Variants in NCOA7 observed in about 807,000 individuals in gnomAD.
The protein encoded by NCOA7 is nuclear receptor coactivator 7.
In NCOA7, 45 loss-of-function variants were observed where a neutral mutation model predicts 104.3. The ratio of observed to expected loss-of-function variants is 0.43; its 90% CI spans 0.34 to 0.55. NCOA7 has a LOEUF of 0.55. Among genes scored for constraint, NCOA7 ranks in the 20% least tolerant of loss-of-function variants. The pLI, the probability that NCOA7 is intolerant of heterozygous loss-of-function variation, is 0.02. For missense variants in NCOA7, 1,041 were observed against 1,119.7 expected, an observed-to-expected ratio of 0.93 and a Z score of 1.00; for synonymous variants, 398 against 402.3, an observed-to-expected ratio of 0.99 and a Z score of 0.13.
chr6:125,864,186 A>G lies in NCOA7; in HGVS notation c.271+8946A>G, dbSNP rs897055060. Reference sequence around the variant, plus strand: ...GTTTAAAGTAGCAGGAATATGAAAAATAACATAAATGATATAAAATGGAAT... The same window carrying G: ...GTTTAAAGTAGCAGGAATATGAAAAGTAACATAAATGATATAAAATGGAAT... On this transcript the variant is annotated intron_variant, in intron 3 of 15. Transcript: ENST00000392477. Among the ~76,000 whole-genome samples the G allele has an allele frequency of 8.7e-5, 12 of 138,286 alleles. 1 individual carries two copies. The highest frequency in any genetic ancestry group is 1.8e-4 in the Non-Finnish European group (12 of 64,998). 90.7% of individuals were successfully genotyped at this position (138,286 alleles called of 152,430 possible). A position where few individuals can be genotyped will look rare whatever the true frequency, so the allele number is the denominator to read the frequency against.
intron 2 of NCOA7, among the ~76,000 whole-genome samples, chr6:125,847,445 A>G (rs1202042598): frequency 1.3e-5 from 2 of 152,236 alleles, no homozygotes; most frequent in Non-Finnish European, 1.5e-5. Flanking sequence ...GAGCAATGCC[A>G]TACAAGGTAT....
chr6:125,801,303 A>G (rs1225705675), intron 1 of NCOA7, among the ~76,000 whole-genome samples: 1 of 152,192 alleles, frequency 6.6e-6, no homozygotes, highest in Non-Finnish European at 1.5e-5. Context: ...ATGAACAGAA[A>G]GCTCATCGAG....
intron 5 of NCOA7, 96 bp from the exon 6 acceptor site, chr6:125,880,994 T>G (rs2128646490): frequency 2.4e-6 from 2 of 825,296 alleles, no homozygotes; most frequent in East Asian, 4.9e-5. Context: ...AATCATGCAC[T>G]GAACATGATA....
chr6:125,865,381 T>C (rs1239143239), intron 3 of NCOA7, among the ~76,000 whole-genome samples: 1 of 138,474 alleles, frequency 7.2e-6, no homozygotes, highest in Non-Finnish European at 1.5e-5. Flanking sequence ...CTATGTTACC[T>C]GTGACTTGCT....
At chr6:125,906,563 G>A (rs138792617) in intron 10 of NCOA7, among the ~76,000 whole-genome samples, 24 of 152,316 alleles carry the variant, frequency 1.6e-4, no homozygotes, top group African/African-American at 5.8e-4. Flanking sequence ...TGGAAGGGCA[G>A]GTGCAGAAGG....
chr6:125,891,339 G>T (rs1320272779), intron 10 of NCOA7, among the ~76,000 whole-genome samples: 1 of 152,202 alleles, frequency 6.6e-6, no homozygotes, highest in Non-Finnish European at 1.5e-5. Context: ...CACCAAAGAA[G>T]ATACCTTCTT....
chr6:125,825,938 A>G (rs1778620616), intron 2 of NCOA7, among the ~76,000 whole-genome samples: 2 of 152,210 alleles, frequency 1.3e-5, no homozygotes, highest in Non-Finnish European at 2.9e-5. Flanking sequence ...ATATGCAAAC[A>G]TATTTTTCTT....
At chr6:125,919,511 C>T (rs1025097267) in intron 11 of NCOA7, 13 of 1,374,162 alleles carry the variant, frequency 9.5e-6, no homozygotes, top group East Asian at 6.9e-5. Context: ...TTTTGAAAGT[C>T]GTTCTAATTA....
intron 2 of NCOA7, among the ~76,000 whole-genome samples, chr6:125,826,898 C>T (rs1338603112): frequency 6.6e-6 from 1 of 151,874 alleles, no homozygotes; most frequent in Non-Finnish European, 1.5e-5. Context: ...GGTGGGAGGG[C>T]AAGAAAGGGT....
chr6:125,842,842 A>C (rs1358379732), intron 2 of NCOA7, among the ~76,000 whole-genome samples: 1 of 152,212 alleles, frequency 6.6e-6, no homozygotes, highest in Non-Finnish European at 1.5e-5. Context: ...AGTCTTGAAT[A>C]AACCTTTTGC....
At chr6:125,924,180 C>A (rs899491973) in intron 13 of NCOA7, among the ~76,000 whole-genome samples, 3 of 152,204 alleles carry the variant, frequency 2.0e-5, no homozygotes, top group African/African-American at 7.2e-5. Flanking sequence ...TCTTAGAGCA[C>A]ACATACAGAC....
chr6:125,895,872 C>T (rs1487320017), intron 10 of NCOA7, among the ~76,000 whole-genome samples: 2 of 151,974 alleles, frequency 1.3e-5, no homozygotes, highest in Admixed American at 1.3e-4. Context: ...CCAACCCTCA[C>T]CTCCAACACT....
intron 10 of NCOA7, among the ~76,000 whole-genome samples, chr6:125,896,814 A>G (rs1379117384): frequency 6.6e-6 from 1 of 152,202 alleles, no homozygotes; most frequent in East Asian, 1.9e-4. Context: ...TAAAAAGATT[A>G]TTTATACCTT....
intron 8 of NCOA7, among the ~76,000 whole-genome samples, chr6:125,885,807 G>T (rs1022966157): frequency 2.0e-5 from 3 of 152,240 alleles, no homozygotes; most frequent in African/African-American, 7.2e-5. Flanking sequence ...AGGGGTTTGG[G>T]TCTACAGTGT....
At chr6:125,783,704 A>C (rs887012771) in intron 1 of NCOA7, among the ~76,000 whole-genome samples, 6 of 152,240 alleles carry the variant, frequency 3.9e-5, no homozygotes, top group African/African-American at 1.2e-4. Flanking sequence ...TTTCAAGCAC[A>C]ACATGGCCCA....
chr6:125,852,479 C>T (rs1446885142), intron 2 of NCOA7, among the ~76,000 whole-genome samples: 2 of 152,128 alleles, frequency 1.3e-5, no homozygotes, highest in African/African-American at 2.4e-5. Flanking sequence ...TAGGGTGAGC[C>T]ACCGCGCCCA....
intron 4 of NCOA7, 93 bp downstream of exon 4, chr6:125,875,061 C>T (rs71563688): frequency 3.4e-6 from 3 of 879,014 alleles, no homozygotes; most frequent in Admixed American, 2.1e-5. Context: ...GGCTGCATTC[C>T]TCTTGTGTAC....
intron 2 of NCOA7, among the ~76,000 whole-genome samples, chr6:125,820,901 AGAAAC>A (rs1778118387): frequency 6.6e-6 from 1 of 152,192 alleles, no homozygotes; most frequent in African/African-American, 2.4e-5. Flanking sequence ...AAGGGCCTTG[AGAAAC>A]CTAACAGTCT....
At chr6:125,874,410 A>G (rs1351986988) in intron 3 of NCOA7, among the ~76,000 whole-genome samples, 1 of 152,238 alleles carries the variant, frequency 6.6e-6, no homozygotes. Context: ...TGTTATAAAT[A>G]GTATTGCAGT....
Sources: gnomAD v4.1 joint callset for allele counts (sites outside exome capture counted in the v4.1 genomes callset) on GRCh38, gnomAD v4.1.1 for gene constraint, MANE v1.5 for transcripts, NCBI Gene and HGNC (gene_info 2026-07-23, HGNC 2026-07-21) for gene names.